The following TRERF1 variants were observed in gnomAD, a reference collection of about 807,000 sequenced individuals.
The protein encoded by TRERF1 is transcriptional-regulating factor 1.
In TRERF1, 27 loss-of-function variants were observed where a neutral mutation model predicts 122.9. The observed-to-expected ratio is 0.22, with a 90% confidence interval of 0.16 to 0.30. The LOEUF (loss-of-function observed/expected upper bound fraction) is 0.30. Ranked by LOEUF, TRERF1 falls within the 10% of genes least tolerant of loss-of-function variation. The pLI is 1.00. For synonymous variants in TRERF1, 636 were observed against 641.7 expected (o/e 0.99, Z 0.13); for missense variants, 1,248 against 1,560.3 (o/e 0.80, Z 3.37).
intron 2 of TRERF1, among the ~76,000 whole-genome samples, chr6:42,391,330 G>A (rs192999012): frequency 6.6e-6 from 1 of 152,310 alleles, no homozygotes; most frequent in Non-Finnish European, 1.5e-5. Context: ...TTGGGGGTTA[G>A]AGTAGCCTGT....
intron 2 of TRERF1, among the ~76,000 whole-genome samples, chr6:42,426,047 A>G (rs905567822): frequency 6.6e-6 from 1 of 152,148 alleles, no homozygotes; most frequent in African/African-American, 2.4e-5. Context: ...CCCTGGCTGC[A>G]AGATGCTAGG....
chr6:42,447,855 C>A (rs1346358326), intron 2 of TRERF1, among the ~76,000 whole-genome samples: 2 of 152,174 alleles, frequency 1.3e-5, no homozygotes, highest in Non-Finnish European at 2.9e-5. Context: ...CAGACCCCCA[C>A]CATCATGCCC....
At chr6:42,314,102 G>A (rs2150375380) in intron 3 of TRERF1, among the ~76,000 whole-genome samples, 1 of 152,072 alleles carries the variant, frequency 6.6e-6, no homozygotes. Context: ...CCATAGTGGT[G>A]GTCCTGACCT....
chr6:42,266,453 T>G (rs1448105739), intron 5 of TRERF1, among the ~76,000 whole-genome samples: 2 of 152,190 alleles, frequency 1.3e-5, no homozygotes, highest in Non-Finnish European at 1.5e-5. Context: ...CCTTCCAAAG[T>G]GCTTGGATTA....
rs542652733 is a variant in TRERF1 at position 42,395,035 on chromosome 6, C to G, written c.-453-31956G>C. ...AAAATTCTCATCTGTAACACCGGCACTTGTTCCCAGGAAAACAAGACAGGT... is the reference window on the plus strand; with the variant it reads ...AAAATTCTCATCTGTAACACCGGCAGTTGTTCCCAGGAAAACAAGACAGGT... On this transcript the variant is annotated intron_variant, in intron 2 of 17. Transcript: ENST00000372922. Among the ~76,000 whole-genome samples the G allele has an allele frequency of 1.3e-4, 20 of 152,352 alleles. No individual in the cohort carries two copies. In the South Asian group the frequency reaches 4.1e-3, roughly 32 times the overall value.
rs764471674 is a variant in TRERF1, at chr6:42,259,332, G to A, written c.2269+7C>T. 3.8e-5 allele frequency: 57 copies of A among 1,495,818 alleles called. No homozygotes were observed. Among genetic ancestry groups the A allele is most frequent in the Non-Finnish European group, 4.7e-5 (53 of 1,132,468 alleles). The allele number at this position is 1,495,818 out of a possible 1,614,324, so 92.7% of individuals were successfully genotyped here. On this transcript the variant is annotated splice_region_variant and intron_variant, in intron 9 of 17. Transcript: ENST00000372922. This position sits in a 1 kb window ranked among gnomAD's most constrained non-coding sequence, Gnocchi z 4.9. ...GAGCCCAGGAGGACGCTAAAGGGGT[G>A]ACTCACTGGAGCGACACAGCAGCAC...
At chr6:42,290,911 TC>T (rs927076975) in intron 4 of TRERF1, among the ~76,000 whole-genome samples, 25 of 151,998 alleles carry the variant, frequency 1.6e-4, no homozygotes, top group African/African-American at 5.8e-4. Flanking sequence ...GAGACCAGTC[TC>T]CCTGGGCCAC....
chr6:42,422,668 T>A lies in TRERF1; in HGVS notation c.-454+28509A>T, dbSNP rs143709909. 4.2e-3 allele frequency among the ~76,000 whole-genome samples: 640 copies of A among 152,096 alleles called. 3 individuals carry two copies. The highest frequency in any genetic ancestry group is 0.015 in the African/African-American group (624 of 41,488). On this transcript the variant is annotated intron_variant, in intron 2 of 17. Coordinates refer to ENST00000372922, the Ensembl canonical transcript of TRERF1. ...TCTCTCAAGCAGTAATTTCACGAGA[T>A]AGGGCTGCCCAATCCCCCTTCGCTC... is the stretch of plus-strand genomic sequence containing the variant.
intron 4 of TRERF1, among the ~76,000 whole-genome samples, chr6:42,284,919 G>A (rs1260931161): frequency 6.6e-6 from 1 of 152,200 alleles, no homozygotes; most frequent in East Asian, 1.9e-4. Flanking sequence ...TCAGAGCCAA[G>A]CTGTCATGGG....
rs371875528 is a variant in TRERF1, at chr6:42,318,345, C to T, written c.-370-17596G>A. On this transcript the variant is annotated intron_variant, in intron 3 of 17. Transcript: ENST00000372922. Reference sequence around the variant, plus strand: ...TTAATAATGAGTGCCAGGCACTCTACCCCTACCATGTAGGGTGGCTGTGGG... The same window carrying T: ...TTAATAATGAGTGCCAGGCACTCTATCCCTACCATGTAGGGTGGCTGTGGG... Among the ~76,000 whole-genome samples the T allele has an allele frequency of 3.9e-4, 60 of 152,314 alleles. 1 individual carries two copies. In the South Asian group the frequency reaches 0.012, roughly 30 times the overall value.
At chr6:42,447,070 A>G (rs1424217469) in intron 2 of TRERF1, among the ~76,000 whole-genome samples, 3 of 152,204 alleles carry the variant, frequency 2.0e-5, no homozygotes, top group Admixed American at 2.0e-4. Context: ...TTATTTAGGC[A>G]CACGGGTTCT....
In TRERF1 at chr6:42,228,489, G is replaced by A. The variant is rs1177080789; in HGVS notation, c.3459C>T (p.Ile1153=). The change falls in exon 18 of 18, where the codon ATC becomes ATT. Residue 1153 remains isoleucine (I), a synonymous_variant. Transcript: ENST00000372922. The surrounding 1 kb of genome is among the most constrained non-coding windows in gnomAD (Gnocchi z 4.2). The stretch of plus-strand genomic sequence containing the variant: ...GGATGTCCACATCCTTGATGGGTTT[G>A]ATCAGACTCAGCTGGTCCAGGGGCA... 2 of 1,614,192 alleles carry A rather than the reference G, an allele frequency of 1.2e-6. No homozygotes were observed. The highest frequency in any genetic ancestry group is 3.3e-5 in the Admixed American group (2 of 60,034).
At chr6:42,386,106 T>TG (rs1473758761) in intron 2 of TRERF1, among the ~76,000 whole-genome samples, 4 of 152,162 alleles carry the variant, frequency 2.6e-5, no homozygotes, top group Non-Finnish European at 5.9e-5. Flanking sequence ...CTATAATCCC[T>TG]GCACTTTGGG....
chr6:42,356,004 C>T (rs1023355946), intron 3 of TRERF1, among the ~76,000 whole-genome samples: 9 of 152,204 alleles, frequency 5.9e-5, no homozygotes, highest in African/African-American at 1.4e-4. Flanking sequence ...CACTGACATT[C>T]GGAACTAGGA....
exon 7 of TRERF1, chr6:42,264,803 C>T: frequency 6.2e-7 from 1 of 1,614,228 alleles, no homozygotes; most frequent in Non-Finnish European, 8.5e-7. Flanking sequence ...TGGAGCATGT[C>T]AGCTTGTTCT....
chr6:42,382,995 C>T (rs1221571918), intron 2 of TRERF1, among the ~76,000 whole-genome samples: 5 of 152,120 alleles, frequency 3.3e-5, no homozygotes, highest in Admixed American at 6.6e-5. Flanking sequence ...TTTAGATAAA[C>T]ATCTGAAAAG....
rs1278300256 is a variant in TRERF1, at chr6:42,358,190, G to C, written c.-371+4807C>G. 2.6e-5 allele frequency among the ~76,000 whole-genome samples: 4 copies of C among 152,316 alleles called. No homozygotes were observed. The East Asian group carries it at 7.7e-4, about 29-fold the overall frequency. ...CATTTATCATTTTTAGGGTTAAATAGTGGAAAAGGAAAAACTGTTGACACA... is the reference window on the plus strand; with the variant it reads ...CATTTATCATTTTTAGGGTTAAATACTGGAAAAGGAAAAACTGTTGACACA... On this transcript the variant is annotated intron_variant, in intron 3 of 17. Transcript: ENST00000372922.
At chr6:42,301,000 C>CAGAGAG (rs34724916) in intron 3 of TRERF1, among the ~76,000 whole-genome samples, 2 of 150,094 alleles carry the variant, frequency 1.3e-5, no homozygotes, top group African/African-American at 4.9e-5. Flanking sequence ...ACTTAGGAAA[C>CAGAGAG]AGAGAGAGAG....
intron 3 of TRERF1, among the ~76,000 whole-genome samples, chr6:42,335,872 G>A (rs1171075899): frequency 1.3e-5 from 2 of 152,142 alleles, no homozygotes; most frequent in Non-Finnish European, 2.9e-5. Flanking sequence ...TTACTTGCCT[G>A]TTTATGTAAT....
Sources: gnomAD v4.1 joint callset for allele counts (sites outside exome capture counted in the v4.1 genomes callset) on GRCh38, gnomAD v4.1.1 for gene constraint, Gnocchi (gnomAD v3.1) non-coding constraint, MANE v1.5 for transcripts, NCBI Gene and HGNC (gene_info 2026-07-23, HGNC 2026-07-21) for gene names.